AOAH: variants seen among roughly 807,000 people sequenced by gnomAD.
AOAH encodes acyloxyacyl hydrolase.
A neutral mutation model predicts 92.2 loss-of-function variants in AOAH; 64 were observed. That is an observed-to-expected ratio of 0.69 (90% CI 0.57 to 0.86). The LOEUF (loss-of-function observed/expected upper bound fraction) is 0.86. Ranked by LOEUF, AOAH falls within the 40% of genes least tolerant of loss-of-function variation. The pLI, the probability that AOAH is intolerant of heterozygous loss-of-function variation, is 0.00. For synonymous variants in AOAH, 263 were observed against 254.5 expected (o/e 1.03, Z -0.32); for missense variants, 656 against 694.6 (o/e 0.94, Z 0.62).
At chr7:36,581,811 A>G (rs1318738836) in intron 12 of AOAH, among the ~76,000 whole-genome samples, 1 of 152,206 alleles carries the variant, frequency 6.6e-6, no homozygotes, top group Admixed American at 6.5e-5. Context: ...TAGAAATAGC[A>G]TCTAGAATTT....
intron 4 of AOAH, among the ~76,000 whole-genome samples, chr7:36,643,769 A>G (rs907506502): frequency 2.6e-5 from 4 of 152,004 alleles, no homozygotes; most frequent in Non-Finnish European, 5.9e-5. Flanking sequence ...TGCCCTTCTC[A>G]TGATAGTGGG....
chr7:36,714,382 G>A (rs1397758633), intron 1 of AOAH, among the ~76,000 whole-genome samples: 2 of 152,100 alleles, frequency 1.3e-5, no homozygotes, highest in Middle Eastern at 3.2e-3. Flanking sequence ...ATTCACAGCC[G>A]AATTCTACCA....
At chr7:36,693,072 G>C (rs1474065640) in intron 1 of AOAH, among the ~76,000 whole-genome samples, 1 of 152,144 alleles carries the variant, frequency 6.6e-6, no homozygotes, top group Non-Finnish European at 1.5e-5. Flanking sequence ...AAGAGTGAGA[G>C]AGGTAGGAAG....
At chr7:36,558,069 T>C (rs1786916850) in intron 13 of AOAH, among the ~76,000 whole-genome samples, 2 of 152,254 alleles carry the variant, frequency 1.3e-5, no homozygotes, top group African/African-American at 4.8e-5. Context: ...CTCTGCTTTT[T>C]AGAGTTTCCA....
chr7:36,680,615 C>G (rs964848046), intron 2 of AOAH, among the ~76,000 whole-genome samples: 4 of 152,150 alleles, frequency 2.6e-5, no homozygotes, highest in Non-Finnish European at 4.4e-5. Context: ...CTTTGCCACC[C>G]CATACAACTG....
chr7:36,535,694 C>T (rs560026580), intron 16 of AOAH, among the ~76,000 whole-genome samples: 12 of 152,160 alleles, frequency 7.9e-5, no homozygotes, highest in South Asian at 4.1e-4. Context: ...TCGGCACGTT[C>T]GCTGTCAGGG....
intron 13 of AOAH, among the ~76,000 whole-genome samples, chr7:36,567,825 G>A (rs545713446): frequency 2.6e-5 from 4 of 152,292 alleles, no homozygotes; most frequent in East Asian, 3.9e-4. Context: ...GCAGCAGGAT[G>A]GACTGCTCCC....
chr7:36,612,430 T>G (rs78344632), intron 11 of AOAH, among the ~76,000 whole-genome samples: 2,893 of 152,300 alleles, frequency 0.019, 45 homozygotes, highest in African/African-American at 0.048. Context: ...ATATAGTATA[T>G]TTTTACATCC....
intron 4 of AOAH, among the ~76,000 whole-genome samples, chr7:36,655,247 A>G (rs1300382172): frequency 6.6e-6 from 1 of 152,274 alleles, no homozygotes; most frequent in Non-Finnish European, 1.5e-5. Flanking sequence ...AAATGCATGA[A>G]TACACATAAA....
intron 5 of AOAH, among the ~76,000 whole-genome samples, chr7:36,636,945 G>A (rs1363656336): frequency 6.6e-6 from 1 of 152,200 alleles, no homozygotes; most frequent in East Asian, 1.9e-4. Flanking sequence ...GAGCTAGCCA[G>A]CAGGGAGAAG....
intron 11 of AOAH, among the ~76,000 whole-genome samples, chr7:36,608,507 A>G (rs1261358793): frequency 6.6e-6 from 1 of 152,222 alleles, no homozygotes; most frequent in Non-Finnish European, 1.5e-5. Flanking sequence ...TAAATAGTCC[A>G]ATTTTTAACA....
chr7:36,713,336 T>G (rs1798900973), intron 1 of AOAH, among the ~76,000 whole-genome samples: 1 of 152,034 alleles, frequency 6.6e-6, no homozygotes, highest in African/African-American at 2.4e-5. Flanking sequence ...AGCAAGTCCT[T>G]AGAGACCTAC....
At chr7:36,591,135 C>A (rs1789714987) in intron 12 of AOAH, among the ~76,000 whole-genome samples, 1 of 152,194 alleles carries the variant, frequency 6.6e-6, no homozygotes, top group Non-Finnish European at 1.5e-5. Flanking sequence ...TTCTTCTCCA[C>A]TCCAGCTGAG....
At chr7:36,668,810 C>G (rs974180781) in intron 3 of AOAH, among the ~76,000 whole-genome samples, 1 of 152,236 alleles carries the variant, frequency 6.6e-6, no homozygotes, top group Non-Finnish European at 1.5e-5. Context: ...TCTTAAAGAT[C>G]TATGAAGTAT....
At chr7:36,594,872 GGTGGT>G (rs1450468328) in intron 11 of AOAH, among the ~76,000 whole-genome samples, 3 of 152,214 alleles carry the variant, frequency 2.0e-5, no homozygotes, top group African/African-American at 7.2e-5. Flanking sequence ...AAGGCATTAA[GGTGGT>G]GCCCTCTGAC....
At chr7:36,714,642 C>T (rs1199439824) in intron 1 of AOAH, among the ~76,000 whole-genome samples, 1 of 152,202 alleles carries the variant, frequency 6.6e-6, no homozygotes, top group East Asian at 1.9e-4. Context: ...ATCAAGTGGG[C>T]TTCATCCCTG....
At chr7:36,693,282 T>C (rs1797520782) in intron 1 of AOAH, among the ~76,000 whole-genome samples, 2 of 152,222 alleles carry the variant, frequency 1.3e-5, no homozygotes, top group East Asian at 1.9e-4. Flanking sequence ...ACAAAAGATA[T>C]AAATTTGGAC....
intron 1 of AOAH, among the ~76,000 whole-genome samples, chr7:36,691,973 C>A (rs1421051374): frequency 2.0e-5 from 3 of 152,204 alleles, no homozygotes; most frequent in African/African-American, 7.2e-5. Flanking sequence ...TCCAGATCAC[C>A]CTGTCCCTGC....
At chr7:36,654,429 G>A (rs1050703623) in intron 4 of AOAH, among the ~76,000 whole-genome samples, 3 of 152,166 alleles carry the variant, frequency 2.0e-5, no homozygotes, top group Non-Finnish European at 2.9e-5. Flanking sequence ...AGGGAGACAC[G>A]TCCACAGGAC....
Sources: gnomAD v4.1 joint callset for allele counts (sites outside exome capture counted in the v4.1 genomes callset) on GRCh38, gnomAD v4.1.1 for gene constraint, MANE v1.5 for transcripts, NCBI Gene and HGNC (gene_info 2026-07-23, HGNC 2026-07-21) for gene names.